Variants in NCK1 observed in about 807,000 individuals in gnomAD.
NCK1 encodes NCK adaptor protein 1, also known as SH2/SH3 adapter protein NCK1.
Under a neutral mutation model 36.6 loss-of-function variants are expected in NCK1, and 19 were observed. The observed-to-expected ratio is 0.52, with a 90% confidence interval of 0.36 to 0.76. NCK1 has a LOEUF of 0.76. Among genes scored for constraint, NCK1 ranks in the 30% least tolerant of loss-of-function variants. NCK1 has a pLI of 0.00. For missense variants in NCK1, 358 were observed against 445.6 expected (o/e 0.80, Z 1.77); for synonymous variants, 165 against 156.0 (o/e 1.06, Z -0.43).
chr3:136,891,724 T>A (rs1275586031), intron 1 of NCK1, among the ~76,000 whole-genome samples: 3 of 152,360 alleles, frequency 2.0e-5, no homozygotes, highest in South Asian at 2.1e-4. Context: ...ATCATTTTTT[T>A]AATAATAACC....
At chr3:136,942,540 TG>T (rs2108147992) in intron 2 of NCK1, among the ~76,000 whole-genome samples, 1 of 152,326 alleles carries the variant, frequency 6.6e-6, no homozygotes, top group African/African-American at 2.4e-5. Flanking sequence ...GGCTTTATGT[TG>T]GGGCAGTTTT....
At chr3:136,924,888 A>G (rs1272888471) in intron 1 of NCK1, among the ~76,000 whole-genome samples, 3 of 152,146 alleles carry the variant, frequency 2.0e-5, no homozygotes, top group Non-Finnish European at 4.4e-5. Flanking sequence ...ATATGGGTTA[A>G]AAAAGGGAAA....
intron 1 of NCK1, among the ~76,000 whole-genome samples, chr3:136,881,465 G>A (rs897479604): frequency 6.6e-6 from 1 of 152,088 alleles, no homozygotes; most frequent in African/African-American, 2.4e-5. Flanking sequence ...TGATCTGCCC[G>A]CCTCGGCCTC....
At chr3:136,933,413 A>G (rs1940444180) in intron 2 of NCK1, among the ~76,000 whole-genome samples, 1 of 152,224 alleles carries the variant, frequency 6.6e-6, no homozygotes, top group Non-Finnish European at 1.5e-5. Context: ...CACAGCTGTC[A>G]TATGAAGAAG....
chr3:136,924,477 G>A (rs1216044589), intron 1 of NCK1, among the ~76,000 whole-genome samples: 1 of 152,058 alleles, frequency 6.6e-6, no homozygotes, highest in Admixed American at 6.5e-5. Context: ...GCAATATATC[G>A]ACTTAGTTTG....
chr3:136,915,850 C>T (rs927175653), intron 1 of NCK1, among the ~76,000 whole-genome samples: 8 of 151,922 alleles, frequency 5.3e-5, no homozygotes, highest in African/African-American at 1.5e-4. Flanking sequence ...CTCAGCCTCC[C>T]GAGTAGCTGG....
chr3:136,874,257 C>T (rs1344434096), intron 1 of NCK1, among the ~76,000 whole-genome samples: 2 of 152,164 alleles, frequency 1.3e-5, no homozygotes, highest in Non-Finnish European at 2.9e-5. Context: ...CTCACTGCAA[C>T]TTCTGCCTCC....
At chr3:136,888,727 C>G (rs997581862) in intron 1 of NCK1, among the ~76,000 whole-genome samples, 2 of 152,110 alleles carry the variant, frequency 1.3e-5, no homozygotes, top group African/African-American at 2.4e-5. Flanking sequence ...AACCTCCCCT[C>G]TCCGTGTCCT....
chr3:136,899,564 A>G, intron 1 of NCK1: 1 of 580,634 alleles, frequency 1.7e-6, no homozygotes. Context: ...CACTATTGCC[A>G]TCACTGCCTT....
intron 2 of NCK1, among the ~76,000 whole-genome samples, chr3:136,937,072 A>G (rs748479594): frequency 6.6e-6 from 1 of 152,226 alleles, no homozygotes; most frequent in South Asian, 2.1e-4. Context: ...ATTTGCTCCT[A>G]TGTTTTCTTC....
At chr3:136,887,318 C>T (rs775546952) in intron 1 of NCK1, among the ~76,000 whole-genome samples, 9 of 152,136 alleles carry the variant, frequency 5.9e-5, no homozygotes, top group Non-Finnish European at 1.0e-4. Flanking sequence ...CAGGAGTGCA[C>T]CGCCATGCTC....
Position 136,945,987 on chromosome 3 carries a change from T to G in NCK1, c.631T>G (p.Phe211Val), listed in dbSNP as rs1940808592. 1 of 1,613,840 alleles carries G rather than the reference T, an allele frequency of 6.2e-7. No individual in the cohort carries two copies. Among genetic ancestry groups the G allele is most frequent in the Admixed American group, 1.7e-5 (1 of 59,978 alleles). The change falls in exon 3 of 4, where the codon TTC becomes GTC. Residue 211 changes from phenylalanine (F) to valine (V), a missense_variant. By Grantham distance (50) the Phe-to-Val change is conservative. Around this residue, in one of 3 missense-constraint regions of NCK1, gnomAD observed 207 missense variants for 253.4 expected, o/e 0.82. Transcript: ENST00000481752. ...CTCATCTAATGATGAAGAACTTAAT[T>G]TCGAGAAAGGAGATGTAATGGATGT... ...FSSSNDEELN[F>V]EKGDVMDVIE...
At chr3:136,929,372 T>C (rs1419200200) in intron 2 of NCK1, among the ~76,000 whole-genome samples, 1 of 152,240 alleles carries the variant, frequency 6.6e-6, no homozygotes, top group African/African-American at 2.4e-5. Flanking sequence ...AGATATAAAG[T>C]AGTGGATTAT....
intron 1 of NCK1, among the ~76,000 whole-genome samples, chr3:136,910,669 A>T (rs775160961): frequency 6.6e-6 from 1 of 152,170 alleles, no homozygotes; most frequent in African/African-American, 2.4e-5. Flanking sequence ...ACAAATCATA[A>T]TTTTATACTT....
chr3:136,904,382 G>C (rs938073911), intron 1 of NCK1, among the ~76,000 whole-genome samples: 1 of 151,842 alleles, frequency 6.6e-6, no homozygotes, highest in African/African-American at 2.4e-5. Flanking sequence ...TGAACTCCTG[G>C]CCTCAAGTGA....
At chr3:136,882,095 A>G (rs1328604374) in intron 1 of NCK1, among the ~76,000 whole-genome samples, 1 of 152,172 alleles carries the variant, frequency 6.6e-6, no homozygotes, top group East Asian at 1.9e-4. Context: ...TTGAGGAACC[A>G]CCATACCATT....
intron 2 of NCK1, among the ~76,000 whole-genome samples, chr3:136,937,427 G>T (rs1007144097): frequency 1.3e-5 from 2 of 152,152 alleles, no homozygotes; most frequent in Non-Finnish European, 2.9e-5. Context: ...CCTTTTTCAA[G>T]ATTGTTTTGG....
chr3:136,895,303 TG>T (rs765545748), intron 1 of NCK1, among the ~76,000 whole-genome samples: 102 of 152,262 alleles, frequency 6.7e-4, no homozygotes, highest in Non-Finnish European at 6.8e-4. Context: ...GGCTTTGGTA[TG>T]TTTTTGGTTT....
intron 1 of NCK1, among the ~76,000 whole-genome samples, chr3:136,880,926 C>T (rs1474802059): frequency 6.6e-6 from 1 of 152,084 alleles, no homozygotes; most frequent in African/African-American, 2.4e-5. Context: ...CTCTTGATCC[C>T]TTCATTCTTA....
Sources: allele counts gnomAD v4.1 joint callset (sites outside exome capture counted in the v4.1 genomes callset), GRCh38; gene constraint gnomAD v4.1.1; regional missense constraint gnomAD v4.1.1; transcripts MANE v1.5; gene names NCBI Gene and HGNC (gene_info 2026-07-23, HGNC 2026-07-21).